PTPRG: variants seen among roughly 807,000 people sequenced by gnomAD.
PTPRG encodes the protein receptor-type tyrosine-protein phosphatase gamma.
PTPRG carries 102 observed loss-of-function variants against 165.3 expected under a neutral mutation model. The observed-to-expected ratio is 0.62, with a 90% CI of 0.53 to 0.73. The LOEUF is 0.73. PTPRG is among the 30% of genes least tolerant of loss of function. The pLI is 0.00. For missense variants in PTPRG, 1,866 were observed against 1,861.4 expected, an observed-to-expected ratio of 1.00 and a Z score of -0.05; for synonymous variants, 675 against 669.5, an observed-to-expected ratio of 1.01 and a Z score of -0.13.
At chr3:61,960,189 C>G (rs1181694398) in intron 2 of PTPRG, among the ~76,000 whole-genome samples, 1 of 152,020 alleles carries the variant, frequency 6.6e-6, no homozygotes, top group African/African-American at 2.4e-5. Context: ...CACTGGAATG[C>G]AAACCCCTGA....
intron 2 of PTPRG, among the ~76,000 whole-genome samples, chr3:61,788,113 T>C (rs1287909766): frequency 6.6e-6 from 1 of 152,148 alleles, no homozygotes; most frequent in Non-Finnish European, 1.5e-5. Context: ...TTCTTTCCTT[T>C]TCCCAGTTTA....
chr3:61,743,822 G>C (rs2033095270), intron 1 of PTPRG, among the ~76,000 whole-genome samples: 1 of 152,156 alleles, frequency 6.6e-6, no homozygotes, highest in African/African-American at 2.4e-5. Context: ...ATTCTGAAGA[G>C]TGAAACTACA....
intron 2 of PTPRG, among the ~76,000 whole-genome samples, chr3:61,792,504 C>T (rs918199415): frequency 2.0e-5 from 3 of 152,060 alleles, no homozygotes; most frequent in Admixed American, 6.6e-5. Context: ...TTTACTTCTC[C>T]GTTGAGCCTA....
rs539841639 is a variant in PTPRG, at chr3:61,763,549, T to G, written c.190+14567T>G. ...CCCAGCTAATTTTTGTATTTCTCCT[T>G]CGTTAGAGATGGGGTTTCACCATGT... On this transcript the variant is annotated intron_variant, in intron 2 of 29. Coordinates refer to ENST00000474889, the MANE Select transcript of PTPRG (RefSeq NM_002841.4). Among the ~76,000 whole-genome samples the G allele has an allele frequency of 1.9e-4, 29 of 150,896 alleles. 1 individual carries two copies. In the East Asian group the frequency reaches 5.7e-3, roughly 30 times the overall value.
intron 6 of PTPRG, among the ~76,000 whole-genome samples, chr3:62,155,500 TATTTTAAGC>T (rs1234346131): frequency 1.2e-4 from 19 of 152,224 alleles, no homozygotes; most frequent in African/African-American, 4.6e-4. Context: ...TTCATGGAGT[TATTTTAAGC>T]ATTAAATAAA....
intron 20 of PTPRG, among the ~76,000 whole-genome samples, chr3:62,270,737 G>A (rs376021975): frequency 1.3e-5 from 2 of 152,082 alleles, no homozygotes; most frequent in Non-Finnish European, 2.9e-5. Context: ...ATTAGGTATT[G>A]ATAATAAGAA....
intron 12 of PTPRG, among the ~76,000 whole-genome samples, chr3:62,215,952 T>C (rs1266623184): frequency 6.6e-6 from 1 of 152,146 alleles, no homozygotes. Flanking sequence ...GCGCGGTGGC[T>C]CACGCCTGTA....
At chr3:61,841,828 A>G (rs950613763) in intron 2 of PTPRG, among the ~76,000 whole-genome samples, 1 of 140,188 alleles carries the variant, frequency 7.1e-6, no homozygotes, top group Non-Finnish European at 1.5e-5. Flanking sequence ...AAAAACAAAA[A>G]CAAAACAAAA....
chr3:62,008,703 G>C (rs2041351729), intron 4 of PTPRG, among the ~76,000 whole-genome samples: 1 of 152,214 alleles, frequency 6.6e-6, no homozygotes, highest in Non-Finnish European at 1.5e-5. Context: ...CGGGGGTTCA[G>C]AATGAAACTG....
chr3:62,034,544 C>G (rs1255749303), intron 4 of PTPRG, among the ~76,000 whole-genome samples: 5 of 152,208 alleles, frequency 3.3e-5, no homozygotes, highest in African/African-American at 9.6e-5. Flanking sequence ...GAATGTCTTT[C>G]AAACTCTTCT....
chr3:61,897,125 A>G (rs1349604522), intron 2 of PTPRG, among the ~76,000 whole-genome samples: 1 of 151,988 alleles, frequency 6.6e-6, no homozygotes, highest in Admixed American at 6.6e-5. Flanking sequence ...TTTATAGATC[A>G]TGCTCTTAGT....
At chr3:61,706,839 T>C (rs1036525566) in intron 1 of PTPRG, among the ~76,000 whole-genome samples, 6 of 152,104 alleles carry the variant, frequency 3.9e-5, no homozygotes, top group African/African-American at 1.4e-4. Flanking sequence ...TATGAATACA[T>C]TGAAGTTTGA....
At chr3:61,862,979 C>T (rs1053218241) in intron 2 of PTPRG, among the ~76,000 whole-genome samples, 1 of 152,170 alleles carries the variant, frequency 6.6e-6, no homozygotes, top group Non-Finnish European at 1.5e-5. Flanking sequence ...TAGATGATGC[C>T]TAAACTCTCA....
chr3:61,632,788 TCCTTCATCC>T (rs1433301463), intron 1 of PTPRG, among the ~76,000 whole-genome samples: 2 of 152,178 alleles, frequency 1.3e-5, no homozygotes, highest in South Asian at 4.1e-4. Flanking sequence ...TACATCACTT[TCCTTCATCC>T]CCTTCATCCC....
chr3:61,832,124 G>A (rs2036313210), intron 2 of PTPRG, among the ~76,000 whole-genome samples: 4 of 152,148 alleles, frequency 2.6e-5, no homozygotes, highest in Admixed American at 2.6e-4. Context: ...AGCCTAACAA[G>A]AAGGGGGTGC....
chr3:61,942,676 G>A (rs146005461), intron 2 of PTPRG, among the ~76,000 whole-genome samples: 145 of 152,290 alleles, frequency 9.5e-4, no homozygotes, highest in African/African-American at 2.9e-3. Flanking sequence ...ACAGCTATTA[G>A]CCAGAAGAGC....
rs538539927 is a variant in PTPRG at position 62,217,234 on chromosome 3, A to G, written c.2156-1617A>G. Among the ~76,000 whole-genome samples the G allele has an allele frequency of 3.3e-5, 5 of 152,298 alleles. No homozygotes were observed. The South Asian group carries it at 8.3e-4, about 25-fold the overall frequency. On this transcript the variant is annotated intron_variant, in intron 12 of 29. Coordinates refer to ENST00000474889, the MANE Select transcript of PTPRG (RefSeq NM_002841.4). This position sits in a 1 kb window ranked among gnomAD's most constrained non-coding sequence, Gnocchi z 4.3. ...CTAGGAAGGCACTTTATAAATGGCA[A>G]AGTGCTCTGTGGAGGTTTTTAATCA... is the stretch of plus-strand genomic sequence containing the variant.
intron 1 of PTPRG, among the ~76,000 whole-genome samples, chr3:61,680,547 A>G (rs1703400398): frequency 6.6e-6 from 1 of 151,336 alleles, no homozygotes; most frequent in Non-Finnish European, 1.5e-5. Flanking sequence ...GAGCCTGGCA[A>G]AATATGTGGG....
At chr3:61,905,163 C>T (rs934634747) in intron 2 of PTPRG, among the ~76,000 whole-genome samples, 6 of 152,104 alleles carry the variant, frequency 3.9e-5, no homozygotes, top group African/African-American at 7.2e-5. Context: ...ACTGCTCTGC[C>T]GATACAGGTT....
Sources: gnomAD v4.1 joint callset for allele counts (sites outside exome capture counted in the v4.1 genomes callset) on GRCh38, gnomAD v4.1.1 for gene constraint, Gnocchi (gnomAD v3.1) non-coding constraint, MANE v1.5 for transcripts, NCBI Gene and HGNC (gene_info 2026-07-23, HGNC 2026-07-21) for gene names.